NDUFA7: variants seen among roughly 807,000 people sequenced by gnomAD.
NDUFA7 encodes the protein NADH:ubiquinone oxidoreductase subunit A7, also known as NADH dehydrogenase [ubiquinone] 1 alpha subcomplex subunit 7.
A neutral mutation model predicts 14.2 loss-of-function variants in NDUFA7; 18 were observed. The observed-to-expected ratio is 1.27, with a 90% CI of 0.88 to 1.88. NDUFA7 has a LOEUF of 1.88. Among genes scored for constraint, NDUFA7 ranks in the 40% most tolerant of loss-of-function variants. NDUFA7 has a pLI of 0.00. For synonymous variants in NDUFA7, 75 were observed against 62.1 expected (o/e 1.21, Z -0.98); for missense variants, 172 against 147.3 (o/e 1.17, Z -0.87).
At chr19:8,318,439 T>C (rs1970260958) in intron 2 of NDUFA7, among the ~76,000 whole-genome samples, 2 of 151,132 alleles carry the variant, frequency 1.3e-5, no homozygotes, top group Non-Finnish European at 2.9e-5. Flanking sequence ...TGAGCCACCA[T>C]GCCCAGTCAG....
At chr19:8,314,522 T>C (rs1378112932) in intron 3 of NDUFA7, among the ~76,000 whole-genome samples, 2 of 152,020 alleles carry the variant, frequency 1.3e-5, no homozygotes, top group Non-Finnish European at 2.9e-5. Context: ...TCCCAGCTAC[T>C]CGGGAGGCCA....
intron 1 of NDUFA7, 127 bp downstream of exon 1, chr19:8,321,181 G>A: frequency 1.6e-6 from 2 of 1,216,806 alleles, no homozygotes; most frequent in Non-Finnish European, 2.2e-6. Context: ...TGACTAGCTG[G>A]GGGTTCCCAG....
downstream of NDUFA7, among the ~76,000 whole-genome samples, chr19:8,310,246 A>G (rs562601187): frequency 2.2e-4 from 34 of 151,864 alleles, no homozygotes; most frequent in African/African-American, 8.0e-4. Flanking sequence ...CCTGGCCAAC[A>G]TGGCGAAACC....
rs373061380 is a variant in NDUFA7, at chr19:8,311,482, C to T, written c.*23G>A. The stretch of plus-strand genomic sequence containing the variant: ...AGGAAATCCAAGGAGGCAAAGTAGT[C>T]GGGTGGCCGTGAGGGTGCAGTGTCA... On this transcript the variant is annotated 3_prime_UTR_variant, in exon 4 of 4. Transcript: ENST00000301457. 3.9e-5 allele frequency: 61 copies of T among 1,567,302 alleles called. No homozygotes were observed. The highest frequency in any genetic ancestry group is 2.3e-4 in the South Asian group (20 of 86,842).
intron 1 of NDUFA7, 64 bp downstream of exon 1, chr19:8,321,244 G>A (rs1970305091): frequency 1.4e-6 from 2 of 1,466,478 alleles, no homozygotes; most frequent in Non-Finnish European, 1.8e-6. Flanking sequence ...TGAGGAGCAG[G>A]AGCGGGTCCC....
chr19:8,318,898 G>A (rs1028858069), intron 2 of NDUFA7, among the ~76,000 whole-genome samples: 9 of 150,684 alleles, frequency 6.0e-5, no homozygotes, highest in African/African-American at 2.0e-4. Flanking sequence ...TTGAACCCGG[G>A]AGGCGGAGAT....
At chr19:8,316,433 GAGAC>G in intron 3 of NDUFA7, 59 bp downstream of exon 3, 1 of 1,588,814 alleles carries the variant, frequency 6.3e-7, no homozygotes, top group Non-Finnish European at 8.6e-7. Flanking sequence ...CACAAGTTGG[GAGAC>G]AGAGTGGGTT....
At position 8,320,868 on chromosome 19, in the gene NDUFA7, C is replaced by T. The variant is rs892703811; in HGVS notation, c.90G>A (p.Glu30=). The change falls in exon 2 of 4, where the codon GAG becomes GAA. Residue 30 remains glutamate (E), a synonymous_variant. Transcript: ENST00000301457. ...CGGGGCCTGCTCACCGCTTGGAGATCTCCTGGTAGCGTAGCTGCAGCTTCC... is the reference window on the plus strand; with the variant it reads ...CGGGGCCTGCTCACCGCTTGGAGATTTCCTGGTAGCGTAGCTGCAGCTTCC... ...LQGKLQLRYQ[E]ISKRTQPPPK... The T allele has an allele frequency of 6.2e-7, 1 of 1,613,718 alleles. No homozygotes were observed. The highest frequency in any genetic ancestry group is 8.5e-7 in the Non-Finnish European group (1 of 1,180,018).
intron 2 of NDUFA7, among the ~76,000 whole-genome samples, chr19:8,317,187 C>T (rs1018472756): frequency 3.9e-5 from 6 of 152,182 alleles, no homozygotes; most frequent in African/African-American, 9.6e-5. Context: ...CTCTCTGGAG[C>T]CCAGAGAGGG....
intron 3 of NDUFA7, among the ~76,000 whole-genome samples, chr19:8,314,728 A>AG (rs1970214064): frequency 6.6e-6 from 1 of 152,224 alleles, no homozygotes; most frequent in Admixed American, 6.5e-5. Flanking sequence ...CCTGGCTAAC[A>AG]CGGTGAAACC....
intron 3 of NDUFA7, among the ~76,000 whole-genome samples, chr19:8,315,926 G>C (rs7257729): frequency 0.14 from 21,837 of 151,774 alleles, 1,760 homozygotes; most frequent in Middle Eastern, 0.22. Flanking sequence ...AGGCCGAGTC[G>C]GGTGGATCAC....
At chr19:8,316,223 G>C (rs1484999184) in intron 3 of NDUFA7, among the ~76,000 whole-genome samples, 1 of 151,774 alleles carries the variant, frequency 6.6e-6, no homozygotes, top group Non-Finnish European at 1.5e-5. Context: ...GGGAGGCCAA[G>C]GAAGGAGGGG....
chr19:8,319,120 G>A (rs987580575), intron 2 of NDUFA7, among the ~76,000 whole-genome samples: 2 of 151,648 alleles, frequency 1.3e-5, no homozygotes, highest in East Asian at 3.9e-4. Flanking sequence ...GTCGGGGGTT[G>A]GGGGGGAGAG....
At chr19:8,316,713 T>G in intron 2 of NDUFA7, 68 bp from the exon 3 acceptor site, 1 of 1,016,534 alleles carries the variant, frequency 9.8e-7, no homozygotes, top group Non-Finnish European at 1.4e-6. Flanking sequence ...TGTGGGCCCC[T>G]GTCACCTCAG....
At chr19:8,316,138 G>C (rs1355905969) in intron 3 of NDUFA7, among the ~76,000 whole-genome samples, 1 of 116,170 alleles carries the variant, frequency 8.6e-6, no homozygotes, top group African/African-American at 3.7e-5. Flanking sequence ...GACAGAGTGA[G>C]ACTCCGTCTC....
chr19:8,317,830 A>G (rs1970253609), intron 2 of NDUFA7, among the ~76,000 whole-genome samples: 1 of 152,084 alleles, frequency 6.6e-6, no homozygotes, highest in Non-Finnish European at 1.5e-5. Flanking sequence ...CATCTGGCTA[A>G]AAACAATTTT....
rs971011250 is a variant in NDUFA7 at position 8,316,580 on chromosome 19, G to A, written c.167C>T (p.Thr56Ile). Residue 56 changes from threonine (T) to isoleucine (I), a missense_variant, in exon 3 of 4, where the codon ACT becomes ATT. Physicochemically the swap from Thr to Ile is moderately conservative, Grantham distance 89. Coordinates refer to ENST00000301457, the MANE Select transcript of NDUFA7 (RefSeq NM_005001.5). ...SHKLSNNYYC[T>I]RDGRRESVPP... The stretch of plus-strand genomic sequence containing the variant: ...CACAGATTCCCGGCGGCCATCGCGA[G>A]TGCAATAGTAATTGTTGGAGAGCTT... 3 of 1,614,066 alleles carry A rather than the reference G, an allele frequency of 1.9e-6. No homozygotes were observed. The highest frequency in any genetic ancestry group is 2.7e-5 in the African/African-American group (2 of 74,940).
At chr19:8,309,933 T>C (rs1219570456), downstream of NDUFA7, among the ~76,000 whole-genome samples, 1 of 152,222 alleles carries the variant, frequency 6.6e-6, no homozygotes, top group Non-Finnish European at 1.5e-5. Context: ...GGCGAATTCA[T>C]TCTTATCCCA....
rs565491348 is a variant in NDUFA7, at chr19:8,311,716, C to T, written c.252-121G>A. 147 of 739,128 alleles carry T rather than the reference C, an allele frequency of 2.0e-4. 1 individual carries two copies. The highest frequency in any genetic ancestry group is 3.0e-4 in the Non-Finnish European group (137 of 460,668). The allele number at this position is 739,128 out of a possible 1,614,324, so 45.8% of individuals were successfully genotyped here. ...GGACTTTCTGGACCTGCAGGACAGA[C>T]AGCAGGGTGTTCCAGAATGCCAACC... On this transcript the variant is annotated intron_variant, in intron 3 of 3. Transcript: ENST00000301457.
Sources: allele counts gnomAD v4.1 joint callset (sites outside exome capture counted in the v4.1 genomes callset), GRCh38; gene constraint gnomAD v4.1.1; transcripts MANE v1.5; gene names NCBI Gene and HGNC (gene_info 2026-07-23, HGNC 2026-07-21).